FOXN3: variants seen among roughly 807,000 people sequenced by gnomAD.
FOXN3 encodes forkhead box protein N3.
FOXN3 carries 7 observed loss-of-function variants against 38.4 expected under a neutral mutation model. The observed-to-expected ratio is 0.18, with a 90% confidence interval of 0.10 to 0.34. FOXN3 has a LOEUF of 0.34. Ranked by LOEUF, FOXN3 falls within the 10% of genes least tolerant of loss-of-function variation. The probability of loss-of-function intolerance (pLI) is 1.00; values close to 1 mark genes in which losing one functional copy is unlikely to be tolerated. For synonymous variants in FOXN3, 230 were observed against 242.2 expected, an observed-to-expected ratio of 0.95 and a Z score of 0.47; for missense variants, 456 against 613.4, an observed-to-expected ratio of 0.74 and a Z score of 2.71.
intron 4 of FOXN3, among the ~76,000 whole-genome samples, chr14:89,222,495 G>A (rs1433294773): frequency 6.6e-6 from 1 of 152,204 alleles, no homozygotes; most frequent in African/African-American, 2.4e-5. Context: ...AATCCGTAAT[G>A]TTTACCGTGA....
intron 4 of FOXN3, among the ~76,000 whole-genome samples, chr14:89,256,837 A>T (rs1253260107): frequency 6.6e-6 from 1 of 152,178 alleles, no homozygotes; most frequent in African/African-American, 2.4e-5. Flanking sequence ...TTCATTATTC[A>T]GGGAAAATCT....
chr14:89,502,035 G>C (rs1893812376), intron 1 of FOXN3, among the ~76,000 whole-genome samples: 1 of 152,032 alleles, frequency 6.6e-6, no homozygotes, highest in Admixed American at 6.6e-5. Context: ...AGACATGGTG[G>C]CATGAGCCTG....
At chr14:89,497,129 A>AT (rs1893702343) in intron 1 of FOXN3, among the ~76,000 whole-genome samples, 1 of 150,698 alleles carries the variant, frequency 6.6e-6, no homozygotes, top group Non-Finnish European at 1.5e-5. Context: ...TAATTTTTGT[A>AT]TTTTTTAGTG....
At chr14:89,246,300 C>T (rs1243532489) in intron 4 of FOXN3, among the ~76,000 whole-genome samples, 1 of 152,152 alleles carries the variant, frequency 6.6e-6, no homozygotes, top group East Asian at 1.9e-4. Context: ...TGTGTTACAT[C>T]TTTAAGTTAA....
At chr14:89,237,595 T>C (rs181245193) in intron 4 of FOXN3, among the ~76,000 whole-genome samples, 301 of 152,334 alleles carry the variant, frequency 2.0e-3, no homozygotes, top group African/African-American at 6.8e-3. Flanking sequence ...TGGGAGAAAC[T>C]GCATAATGGG....
chr14:89,272,722 G>A (rs1280030464), intron 4 of FOXN3, among the ~76,000 whole-genome samples: 5 of 151,888 alleles, frequency 3.3e-5, no homozygotes, highest in South Asian at 2.1e-4. Context: ...GCATGGTGGC[G>A]CACGCCTGTA....
intron 2 of FOXN3, among the ~76,000 whole-genome samples, chr14:89,406,699 A>T (rs1019825779): frequency 1.1e-4 from 16 of 152,210 alleles, no homozygotes; most frequent in African/African-American, 3.9e-4. Flanking sequence ...GGATATAATA[A>T]ACATACTTTT....
intron 5 of FOXN3, among the ~76,000 whole-genome samples, chr14:89,169,177 A>G (rs1007482738): frequency 6.6e-6 from 1 of 152,178 alleles, no homozygotes; most frequent in Non-Finnish European, 1.5e-5. Context: ...GCTGTAGCTC[A>G]TATTTGTAAT....
In FOXN3 at chr14:89,288,685, T is replaced by G. The variant is rs867458666; in HGVS notation, c.681-7671A>C. Among the ~76,000 whole-genome samples the G allele has an allele frequency of 2.5e-3, 223 of 89,348 alleles. 9 individuals carry two copies. Among genetic ancestry groups the G allele is most frequent in the Middle Eastern group, 5.5e-3 (1 of 182 alleles). The allele number at this position is 89,348 out of a possible 152,430, so 58.6% of individuals were successfully genotyped here. A position where few individuals can be genotyped will look rare whatever the true frequency, so the allele number is the denominator to read the frequency against. On this transcript the variant is annotated intron_variant, in intron 3 of 5. Coordinates refer to ENST00000557258, the MANE Select transcript of FOXN3 (RefSeq NM_005197.4). ...GGCACTCTCTTTCTCTCTCTCTCTC[T>G]CTCTCTCTCTCTCTCTCTCTCTCTC...
chr14:89,184,240 AC>A (rs1887745907), intron 4 of FOXN3: 1 of 152,260 alleles, frequency 6.6e-6, no homozygotes, highest in Admixed American at 6.5e-5. Context: ...TATCAGAGCC[AC>A]CCTTGCAGCA....
intron 4 of FOXN3, among the ~76,000 whole-genome samples, chr14:89,216,613 G>A (rs187237465): frequency 5.3e-5 from 8 of 152,272 alleles, no homozygotes; most frequent in East Asian, 1.9e-4. Flanking sequence ...CCTTCAAGAT[G>A]GTCCAACTCT....
chr14:89,426,558 G>A (rs1346915814), intron 1 of FOXN3, among the ~76,000 whole-genome samples: 1 of 152,066 alleles, frequency 6.6e-6, no homozygotes, highest in East Asian at 1.9e-4. Context: ...GTAAATTTTA[G>A]CAAGAGGGTG....
At chr14:89,358,218 A>C (rs1039919957) in intron 2 of FOXN3, among the ~76,000 whole-genome samples, 6 of 152,156 alleles carry the variant, frequency 3.9e-5, no homozygotes, top group African/African-American at 1.4e-4. Flanking sequence ...CTTCAGTAAG[A>C]CCTTATTTGC....
At position 89,342,011 on chromosome 14, in the gene FOXN3, A is replaced by C. The variant is rs185915227; in HGVS notation, c.680+8661T>G. Reference sequence around the variant, plus strand: ...CACTGCAACTTTCTTCTCATGAGGTATTGGAAACACAGAGTTTCTTTGGTA... The same window carrying C: ...CACTGCAACTTTCTTCTCATGAGGTCTTGGAAACACAGAGTTTCTTTGGTA... On this transcript the variant is annotated intron_variant, in intron 3 of 5. Transcript: ENST00000557258. Among the ~76,000 whole-genome samples the C allele has an allele frequency of 1.7e-3, 252 of 152,324 alleles. 2 individuals are homozygous for C. Among genetic ancestry groups the C allele is most frequent in the African/African-American group, 5.7e-3 (237 of 41,580 alleles).
chr14:89,590,081 C>A (rs1270168057), intron 1 of FOXN3, among the ~76,000 whole-genome samples: 2 of 152,098 alleles, frequency 1.3e-5, no homozygotes, highest in African/African-American at 4.8e-5. Flanking sequence ...GGATATGGCA[C>A]CAAGTCGATG....
intron 1 of FOXN3, among the ~76,000 whole-genome samples, chr14:89,425,535 T>C (rs61999668): frequency 9.8e-5 from 2 of 20,424 alleles, no homozygotes; most frequent in Non-Finnish European, 2.7e-4. Context: ...GCCCGGCTAA[T>C]TTTTTTTTTT....
intron 1 of FOXN3, among the ~76,000 whole-genome samples, chr14:89,601,744 A>G (rs755004253): frequency 2.0e-5 from 3 of 151,860 alleles, no homozygotes; most frequent in African/African-American, 7.3e-5. Flanking sequence ...AATGAGTGCA[A>G]GGTTTTTTGT....
chr14:89,282,041 G>C (rs1258959370), intron 3 of FOXN3, among the ~76,000 whole-genome samples: 4 of 152,130 alleles, frequency 2.6e-5, no homozygotes, highest in Non-Finnish European at 5.9e-5. Flanking sequence ...AGGGTCTCTA[G>C]TTATCTAGGA....
At chr14:89,383,499 A>C (rs1277417292) in intron 2 of FOXN3, among the ~76,000 whole-genome samples, 1 of 152,196 alleles carries the variant, frequency 6.6e-6, no homozygotes, top group East Asian at 1.9e-4. Flanking sequence ...AAATCAACAG[A>C]AATTCTCTCA....
Sources: gnomAD v4.1 joint callset for allele counts (sites outside exome capture counted in the v4.1 genomes callset) on GRCh38, gnomAD v4.1.1 for gene constraint, MANE v1.5 for transcripts, NCBI Gene and HGNC (gene_info 2026-07-23, HGNC 2026-07-21) for gene names.